MECOM: variants seen among roughly 807,000 people sequenced by gnomAD.
MECOM encodes the protein histone-lysine N-methyltransferase MECOM.
In MECOM, 13 loss-of-function variants were observed where a neutral mutation model predicts 116.3. That is an observed-to-expected ratio of 0.11 (90% CI 0.07 to 0.18). The LOEUF (loss-of-function observed/expected upper bound fraction) is 0.18, where lower values mean the gene tolerates loss of function less well. Ranked by LOEUF, MECOM falls within the 10% of genes least tolerant of loss-of-function variation. MECOM has a pLI of 1.00. For missense variants in MECOM, 1,299 were observed against 1,509.0 expected, an observed-to-expected ratio of 0.86 and a Z score of 2.31; for synonymous variants, 528 against 535.2, an observed-to-expected ratio of 0.99 and a Z score of 0.19.
chr3:169,113,072 A>G (rs1247202439), intron 8 of MECOM, among the ~76,000 whole-genome samples, 198 bp from the exon 9 acceptor site: 3 of 152,104 alleles, frequency 2.0e-5, no homozygotes, highest in Admixed American at 6.6e-5. Context: ...AAAAGTTCCT[A>G]TTTATAATGG....
chr3:169,220,249 G>C (rs1278126952), intron 2 of MECOM, among the ~76,000 whole-genome samples: 2 of 152,064 alleles, frequency 1.3e-5, no homozygotes, highest in Non-Finnish European at 2.9e-5. Flanking sequence ...AGGATCACCT[G>C]GGAGGCAGAG....
intron 1 of MECOM, among the ~76,000 whole-genome samples, chr3:169,453,169 T>G (rs1745889701): frequency 6.6e-6 from 1 of 152,128 alleles, no homozygotes; most frequent in Non-Finnish European, 1.5e-5. Context: ...TAATAATGAG[T>G]CTCATTTAAT....
chr3:169,089,280 C>G (rs1718892118), intron 15 of MECOM, 97 bp from the exon 16 acceptor site: 1 of 827,054 alleles, frequency 1.2e-6, no homozygotes. Context: ...TGACAAACTT[C>G]ATATTGTATC....
intron 2 of MECOM, among the ~76,000 whole-genome samples, chr3:169,378,539 A>G (rs1257771504): frequency 1.7e-5 from 2 of 115,536 alleles, no homozygotes; most frequent in African/African-American, 7.5e-5. Context: ...AGAAAGAAAG[A>G]AAGAAAGAAA....
chr3:169,367,128 G>T (rs866269306), intron 2 of MECOM, among the ~76,000 whole-genome samples: 1 of 152,034 alleles, frequency 6.6e-6, no homozygotes, highest in Non-Finnish European at 1.5e-5. Context: ...AAGTGTCTCT[G>T]TATGACTGAA....
At chr3:169,475,558 A>G (rs1208235446) in intron 1 of MECOM, among the ~76,000 whole-genome samples, 1 of 152,062 alleles carries the variant, frequency 6.6e-6, no homozygotes, top group East Asian at 1.9e-4. Context: ...TAGCACATTA[A>G]AAATAGTGAC....
chr3:169,419,742 G>A (rs1560250303), intron 1 of MECOM, among the ~76,000 whole-genome samples: 1 of 152,110 alleles, frequency 6.6e-6, no homozygotes, highest in African/African-American at 2.4e-5. Flanking sequence ...GGCAACAAAA[G>A]CCAAAATTGA....
chr3:169,605,044 T>C (rs940453000), intron 1 of MECOM, among the ~76,000 whole-genome samples: 1 of 152,096 alleles, frequency 6.6e-6, no homozygotes, highest in Non-Finnish European at 1.5e-5. Flanking sequence ...AAGAAACACA[T>C]ACAAATTCCC....
chr3:169,298,454 C>G (rs1348054348), intron 2 of MECOM, among the ~76,000 whole-genome samples: 1 of 151,306 alleles, frequency 6.6e-6, no homozygotes, highest in Non-Finnish European at 1.5e-5. Flanking sequence ...ATAATATAAA[C>G]CATATTTTGA....
chr3:169,095,291 T>C (rs1218375800), intron 12 of MECOM, 46 bp from the exon 13 acceptor site: 1 of 1,541,386 alleles, frequency 6.5e-7, no homozygotes. Flanking sequence ...CATTAAAAGG[T>C]ATTTCTCAAG....
At chr3:169,094,974 G>A in intron 13 of MECOM, 102 bp downstream of exon 13, 2 of 1,038,724 alleles carry the variant, frequency 1.9e-6, no homozygotes, top group South Asian at 3.0e-5. Flanking sequence ...ACCTGATTTT[G>A]GCGTCAAAAT....
chr3:169,584,236 A>G (rs1308505460), intron 1 of MECOM, among the ~76,000 whole-genome samples: 1 of 152,192 alleles, frequency 6.6e-6, no homozygotes, highest in Non-Finnish European at 1.5e-5. Context: ...TAAATTAAAG[A>G]GTTGTTTTTT....
chr3:169,085,111 T>C (rs1717229553), intron 16 of MECOM, 68 bp from the exon 17 acceptor site: 1 of 1,593,330 alleles, frequency 6.3e-7, no homozygotes, highest in South Asian at 1.1e-5. Flanking sequence ...TCAAAGAATA[T>C]TGTTGGTAAA....
At chr3:169,432,032 A>T (rs190650045) in intron 1 of MECOM, among the ~76,000 whole-genome samples, 4 of 152,072 alleles carry the variant, frequency 2.6e-5, no homozygotes, top group African/African-American at 7.2e-5. Context: ...TAGCCAAACT[A>T]CATGTGTCTA....
chr3:169,524,250 G>T (rs867181796), intron 1 of MECOM, among the ~76,000 whole-genome samples: 14 of 152,116 alleles, frequency 9.2e-5, no homozygotes, highest in Middle Eastern at 6.8e-3. Flanking sequence ...CAACTTTCCT[G>T]TGAGGTAGGA....
chr3:169,172,028 C>G (rs966274299), intron 2 of MECOM, among the ~76,000 whole-genome samples: 3 of 151,832 alleles, frequency 2.0e-5, no homozygotes, highest in Admixed American at 2.0e-4. Flanking sequence ...CTGTATGAAA[C>G]AGGCAATACT....
chr3:169,628,312 G>A (rs952064506), intron 1 of MECOM, among the ~76,000 whole-genome samples: 1 of 152,168 alleles, frequency 6.6e-6, no homozygotes, highest in African/African-American at 2.4e-5. Flanking sequence ...GAGTTTTATA[G>A]CACAGGAGAG....
intron 1 of MECOM, among the ~76,000 whole-genome samples, chr3:169,524,769 C>T (rs540898678): frequency 2.0e-5 from 3 of 152,178 alleles, no homozygotes; most frequent in South Asian, 2.1e-4. Flanking sequence ...AGGAGAGCTT[C>T]GTTTCATTCT....
chr3:169,428,306 G>T (rs372337203), intron 1 of MECOM, among the ~76,000 whole-genome samples: 3 of 152,192 alleles, frequency 2.0e-5, no homozygotes, highest in African/African-American at 4.8e-5. Flanking sequence ...CATGGACTGT[G>T]GGGGGTTGGT....
Sources: allele counts gnomAD v4.1 joint callset (sites outside exome capture counted in the v4.1 genomes callset), GRCh38; gene constraint gnomAD v4.1.1; transcripts MANE v1.5; gene names NCBI Gene and HGNC (gene_info 2026-07-23, HGNC 2026-07-21).